Variants in MAP4 observed in about 807,000 individuals in gnomAD.
MAP4 encodes the protein microtubule-associated protein 4.
MAP4 carries 76 observed loss-of-function variants against 170.2 expected under a neutral mutation model. That is an observed-to-expected ratio of 0.45 (90% CI 0.37 to 0.54). The LOEUF (loss-of-function observed/expected upper bound fraction) is 0.54. Among genes scored for constraint, MAP4 ranks in the 20% least tolerant of loss-of-function variants. The probability of loss-of-function intolerance (pLI) is 0.00; values close to 1 mark genes in which losing one functional copy is unlikely to be tolerated. For synonymous variants in MAP4, 909 were observed against 994.5 expected, an observed-to-expected ratio of 0.91 and a Z score of 1.62; for missense variants, 2,506 against 2,748.0, an observed-to-expected ratio of 0.91 and a Z score of 1.97.
intron 2 of MAP4, among the ~76,000 whole-genome samples, chr3:47,980,334 T>C (rs573692164): frequency 1.0e-3 from 156 of 152,330 alleles, no homozygotes; most frequent in Non-Finnish European, 1.9e-3. Flanking sequence ...CCAGCCTAGC[T>C]CTGCAGTCAC....
At chr3:47,970,725 G>A (rs1215408406) in intron 3 of MAP4, among the ~76,000 whole-genome samples, 1 of 152,154 alleles carries the variant, frequency 6.6e-6, no homozygotes, top group African/African-American at 2.4e-5. Context: ...GCTGAGGCAG[G>A]AGAATCGCTC....
intron 3 of MAP4, among the ~76,000 whole-genome samples, chr3:47,942,440 G>T (rs948715390): frequency 1.3e-5 from 2 of 152,028 alleles, no homozygotes; most frequent in Non-Finnish European, 2.9e-5. Flanking sequence ...GAGTGCAGTA[G>T]CTATTCACAG....
intron 3 of MAP4, among the ~76,000 whole-genome samples, chr3:47,930,025 G>A (rs2100048544): frequency 6.6e-6 from 1 of 152,194 alleles, no homozygotes; most frequent in African/African-American, 2.4e-5. Flanking sequence ...AGCTACTCAG[G>A]AGGCTGAGGC....
intron 1 of MAP4, among the ~76,000 whole-genome samples, chr3:48,073,721 A>T (rs9834513): frequency 0.041 from 6,306 of 152,300 alleles, 433 homozygotes; most frequent in African/African-American, 0.14. Context: ...TGAAATAAGA[A>T]AATAATTCCA....
chr3:48,066,822 CTTTTTTTTTTTTTTTTTTTT>C (rs55939839), intron 1 of MAP4, among the ~76,000 whole-genome samples: 119 of 65,834 alleles, frequency 1.8e-3, no homozygotes, highest in African/African-American at 7.2e-3. Flanking sequence ...TCTCTAATTC[CTTTTTTTTTTTTTTTTTTTT>C]TTTTTTTTTT....
chr3:48,014,520 ATGGTGGCACATGCC>A (rs779031821), intron 1 of MAP4, among the ~76,000 whole-genome samples: 2 of 152,154 alleles, frequency 1.3e-5, no homozygotes, highest in African/African-American at 2.4e-5. Flanking sequence ...TTAGCCAGGC[ATGGTGGCACATGCC>A]TGTAGTCCCT....
intron 1 of MAP4, among the ~76,000 whole-genome samples, chr3:48,073,944 A>G (rs1049407180): frequency 6.6e-6 from 1 of 152,174 alleles, no homozygotes; most frequent in Non-Finnish European, 1.5e-5. Flanking sequence ...TGACCCAGCG[A>G]TCCCATTACT....
intron 1 of MAP4, among the ~76,000 whole-genome samples, chr3:48,028,908 C>T (rs183954417): frequency 7.6e-4 from 115 of 152,022 alleles, no homozygotes; most frequent in Admixed American, 1.2e-3. Flanking sequence ...ACTGGGAGGC[C>T]GAGGCGGGCA....
intron 3 of MAP4, among the ~76,000 whole-genome samples, chr3:47,962,315 A>C (rs1273769690): frequency 6.6e-6 from 1 of 152,200 alleles, no homozygotes. Context: ...CAAAGCCAAG[A>C]ACCCTCCTGG....
intron 3 of MAP4, among the ~76,000 whole-genome samples, chr3:47,942,282 T>A (rs549130447): frequency 1.3e-5 from 2 of 152,154 alleles, no homozygotes; most frequent in Non-Finnish European, 2.9e-5. Context: ...TTAAGAAAAA[T>A]TAATGCTGGC....
intron 1 of MAP4, among the ~76,000 whole-genome samples, chr3:48,077,502 A>T (rs1163348110): frequency 2.1e-5 from 3 of 145,604 alleles, no homozygotes; most frequent in East Asian, 2.0e-4. Flanking sequence ...TCTGGTTTTA[A>T]TTTTTTTTTT....
intron 8 of MAP4, among the ~76,000 whole-genome samples, chr3:47,914,329 G>T (rs572391385): frequency 6.6e-6 from 1 of 152,134 alleles, no homozygotes; most frequent in South Asian, 2.1e-4. Context: ...AGGCTGAGGT[G>T]GGCAGATCAC....
chr3:47,974,828 CTAG>C, intron 3 of MAP4: 3 of 967,404 alleles, frequency 3.1e-6, no homozygotes, highest in Non-Finnish European at 3.7e-6. Context: ...GAAAAATATT[CTAG>C]GATTACTCAG....
intron 3 of MAP4, among the ~76,000 whole-genome samples, chr3:47,942,448 C>T (rs1405527095): frequency 1.3e-5 from 2 of 152,084 alleles, no homozygotes; most frequent in Non-Finnish European, 2.9e-5. Flanking sequence ...TAGCTATTCA[C>T]AGGCATAATT....
intron 9 of MAP4, among the ~76,000 whole-genome samples, chr3:47,904,687 A>T (rs2100031934): frequency 6.7e-6 from 1 of 148,296 alleles, no homozygotes; most frequent in South Asian, 2.1e-4. Context: ...CGGGGGATGG[A>T]GTCTCACTCA....
At chr3:48,037,391 C>G (rs1450241856) in intron 1 of MAP4, among the ~76,000 whole-genome samples, 1 of 152,028 alleles carries the variant, frequency 6.6e-6, no homozygotes, top group East Asian at 1.9e-4. Context: ...TCTTCTCCAC[C>G]TTTTCACTTT....
chr3:47,854,142 A>G (rs1178430254), intron 19 of MAP4, among the ~76,000 whole-genome samples: 2 of 152,226 alleles, frequency 1.3e-5, no homozygotes, highest in Non-Finnish European at 2.9e-5. Context: ...GAACTAATAA[A>G]GGGATATAAT....
At chr3:47,947,544 G>A (rs2100060898) in intron 3 of MAP4, among the ~76,000 whole-genome samples, 1 of 152,166 alleles carries the variant, frequency 6.6e-6, no homozygotes, top group Non-Finnish European at 1.5e-5. Context: ...CGGGTGTGGT[G>A]GCTCATGCCT....
At chr3:48,088,407 C>T (rs1192479069) in intron 1 of MAP4, among the ~76,000 whole-genome samples, 1 of 152,210 alleles carries the variant, frequency 6.6e-6, no homozygotes, top group African/African-American at 2.4e-5. Flanking sequence ...TCTCCTACAC[C>T]TCCGAACCCC....
Sources: allele counts gnomAD v4.1 joint callset (sites outside exome capture counted in the v4.1 genomes callset), GRCh38; gene constraint gnomAD v4.1.1; transcripts MANE v1.5; gene names NCBI Gene and HGNC (gene_info 2026-07-23, HGNC 2026-07-21).